Variants in NPTXR observed in about 807,000 individuals in gnomAD.
The protein encoded by NPTXR is neuronal pentraxin receptor.
In NPTXR, 12 loss-of-function variants were observed where a neutral mutation model predicts 32.2. The observed-to-expected ratio is 0.37, with a 90% CI of 0.24 to 0.60. The LOEUF (loss-of-function observed/expected upper bound fraction) is 0.60. NPTXR is among the 20% of genes least tolerant of loss of function. NPTXR has a pLI of 0.66. For missense variants in NPTXR, 612 were observed against 682.9 expected (o/e 0.90, Z 1.16); for synonymous variants, 323 against 315.8 (o/e 1.02, Z -0.24).
chr22:38,830,890 C>A (rs941549001), intron 1 of NPTXR, among the ~76,000 whole-genome samples: 1 of 152,200 alleles, frequency 6.6e-6, no homozygotes, highest in Non-Finnish European at 1.5e-5. Flanking sequence ...TCCACCCCCC[C>A]CACCTCTTGT....
Position 38,820,778 on chromosome 22 carries a change from C to T in NPTXR, c.*1831G>A, listed in dbSNP as rs1227810803. ...CAGATGCCCTGAGCTCTAGTCCTGGCTCTGCCCCATGCTCTGTGATCCTGT... is the reference window on the plus strand; with the variant it reads ...CAGATGCCCTGAGCTCTAGTCCTGGTTCTGCCCCATGCTCTGTGATCCTGT... On this transcript the variant is annotated 3_prime_UTR_variant, in exon 5 of 5. Coordinates refer to ENST00000333039, the MANE Select transcript of NPTXR (RefSeq NM_014293.4). 1 of 152,358 alleles carries T rather than the reference C, an allele frequency of 6.6e-6. No individual in the cohort carries two copies. Among genetic ancestry groups the T allele is most frequent in the Non-Finnish European group, 1.5e-5 (1 of 68,170 alleles). The allele number at this position is 152,358 out of a possible 1,614,324, so 9.4% of individuals were successfully genotyped here.
Position 38,843,859 on chromosome 22 carries a change from C to A in NPTXR, c.-1G>T. 1 of 996,920 alleles carries A rather than the reference C, an allele frequency of 1.0e-6. No homozygotes were observed. Among genetic ancestry groups the A allele is most frequent in the South Asian group, 4.3e-5 (1 of 23,206 alleles). The allele number at this position is 996,920 out of a possible 1,614,324, so 61.8% of individuals were successfully genotyped here. A position where few individuals can be genotyped will look rare whatever the true frequency, so the allele number is the denominator to read the frequency against. The stretch of plus-strand genomic sequence containing the variant: ...CCAGCAGCACGGCCAGGAACTTCAG[C>A]GTGAGGCGGGCGGCGGGGGCGCCCG... On this transcript the variant is annotated 5_prime_UTR_variant, in exon 1 of 5. Transcript: ENST00000333039. The surrounding 1 kb of genome is among the most constrained non-coding windows in gnomAD (Gnocchi z 5.3).
Position 38,843,527 on chromosome 22 carries a change from T to TC in NPTXR, c.331dup (p.Asp111GlyfsTer43). ...CTCGCCCGGCGCAGCGCCCGCCGCG[T>TC]CCCCCTGCTGGGCCCCCGACGGGCA... On this transcript the variant is annotated frameshift_variant, in exon 1 of 5. Coordinates refer to ENST00000333039, the MANE Select transcript of NPTXR (RefSeq NM_014293.4). LOFTEE classifies it high-confidence loss of function. This position sits in a 1 kb window ranked among gnomAD's most constrained non-coding sequence, Gnocchi z 5.3. 7.9e-7 allele frequency: 1 copy of TC among 1,265,028 alleles called. No homozygotes were observed. The allele number at this position is 1,265,028 out of a possible 1,614,324, so 78.4% of individuals were successfully genotyped here.
chr22:38,824,813 G>A (rs971287664), intron 3 of NPTXR, among the ~76,000 whole-genome samples: 1 of 152,166 alleles, frequency 6.6e-6, no homozygotes, highest in African/African-American at 2.4e-5. Flanking sequence ...CAGCCACCCC[G>A]GTGGTCGTAG....
chr22:38,823,399 C>T, intron 3 of NPTXR, 137 bp from the exon 4 acceptor site: 1 of 687,888 alleles, frequency 1.5e-6, no homozygotes, highest in South Asian at 1.9e-5. Flanking sequence ...TCTCCATCCT[C>T]CTGCCCAGTG....
intron 1 of NPTXR, among the ~76,000 whole-genome samples, chr22:38,835,678 C>T (rs2093122897): frequency 6.6e-6 from 1 of 152,134 alleles, no homozygotes; most frequent in Non-Finnish European, 1.5e-5. Flanking sequence ...ACACACCTTC[C>T]GGGCCCCCAA....
At chr22:38,825,484 T>C (rs2093104947) in intron 3 of NPTXR, among the ~76,000 whole-genome samples, 1 of 152,122 alleles carries the variant, frequency 6.6e-6, no homozygotes, top group South Asian at 2.1e-4. Flanking sequence ...TAGCTCACAG[T>C]TATTGATGTC....
At chr22:38,823,371 C>A in intron 3 of NPTXR, 109 bp from the exon 4 acceptor site, 1 of 954,658 alleles carries the variant, frequency 1.0e-6, no homozygotes, top group Non-Finnish European at 1.6e-6. Flanking sequence ...TTCCAGGGCC[C>A]GACCCCAGGC....
chr22:38,826,561 G>A lies in NPTXR; in HGVS notation c.1037C>T (p.Ala346Val). 1.9e-6 allele frequency: 3 copies of A among 1,614,190 alleles called. No individual in the cohort carries two copies. Among genetic ancestry groups the A allele is most frequent in the Non-Finnish European group, 2.5e-6 (3 of 1,180,020 alleles). Residue 346 changes from alanine to valine, a missense_variant, in exon 3 of 5, where the codon GCC becomes GTC. By Grantham distance (64) the Ala-to-Val change is moderately conservative. Transcript: ENST00000333039. ...CGCCTCTAGCAGTACAATCTCGTTGGCCTGCCCGGGCACTGAGTAGGAGAA... is the reference window on the plus strand; with the variant it reads ...CGCCTCTAGCAGTACAATCTCGTTGACCTGCCCGGGCACTGAGTAGGAGAA...
chr22:38,843,338 G>C lies in NPTXR; in HGVS notation c.521C>G (p.Pro174Arg), dbSNP rs766989044. The C allele has an allele frequency of 6.4e-6, 9 of 1,415,240 alleles. 1 individual carries two copies. In the South Asian group the frequency reaches 1.2e-4, roughly 18 times the overall value. The allele number at this position is 1,415,240 out of a possible 1,614,324, so 87.7% of individuals were successfully genotyped here. The change falls in exon 1 of 5, where the codon CCC becomes CGC. Residue 174 changes from proline to arginine, a missense_variant. Pro to Arg is a moderately radical substitution (Grantham distance 103). Transcript: ENST00000333039. The surrounding 1 kb of genome is among the most constrained non-coding windows in gnomAD (Gnocchi z 5.3). Reference sequence around the variant, plus strand: ...CCCGTCGGCCATGGTGTCGCGGCGGGGCCCGGCGCCCTGGAGGCCGCGCGG... The same window carrying C: ...CCCGTCGGCCATGGTGTCGCGGCGGCGCCCGGCGCCCTGGAGGCCGCGCGG...
At chr22:38,826,825 A>G in intron 2 of NPTXR, 78 bp from the exon 3 acceptor site, 1 of 1,527,460 alleles carries the variant, frequency 6.5e-7, no homozygotes, top group South Asian at 1.3e-5. Flanking sequence ...CACTTCAGAA[A>G]GATGGCTAAC....
At chr22:38,826,250 T>G (rs184197620) in intron 3 of NPTXR, among the ~76,000 whole-genome samples, 24 of 152,318 alleles carry the variant, frequency 1.6e-4, no homozygotes, top group Admixed American at 1.4e-3. Flanking sequence ...CCCCAAGAGC[T>G]TCACTTGCCT....
At chr22:38,831,332 A>G (rs1389380056) in intron 1 of NPTXR, among the ~76,000 whole-genome samples, 2 of 152,270 alleles carry the variant, frequency 1.3e-5, no homozygotes, top group African/African-American at 4.8e-5. Context: ...GCTTAAGCCC[A>G]GGAGGTTGAG....
rs745967785 is a variant in NPTXR, at chr22:38,828,465, G to T, written c.672C>A (p.Val224=). 6.2e-7 allele frequency: 1 copy of T among 1,607,372 alleles called. No homozygotes were observed. Among genetic ancestry groups the T allele is most frequent in the South Asian group, 1.1e-5 (1 of 90,524 alleles). ...AGTGTAGGCCGGTGGGCACAGCAGA[G>T]ACTGGGGCTGGGGCAGCTGAGAGGT... The change falls in exon 2 of 5, where the codon GTC becomes GTA. Residue 224 remains valine, a synonymous_variant. Coordinates refer to ENST00000333039, the MANE Select transcript of NPTXR (RefSeq NM_014293.4).
At chr22:38,841,484 G>T (rs558454833) in intron 1 of NPTXR, among the ~76,000 whole-genome samples, 1 of 152,400 alleles carries the variant, frequency 6.6e-6, no homozygotes, top group East Asian at 1.9e-4. Context: ...CCAGACGTGG[G>T]AGGAGCCACC....
chr22:38,826,461 G>T (rs766139474), intron 3 of NPTXR, 39 bp downstream of exon 3: 1 of 1,569,926 alleles, frequency 6.4e-7, no homozygotes, highest in Non-Finnish European at 8.6e-7. Context: ...TGGAAGGGTG[G>T]CCCTCCCCCA....
rs2146188076 is a variant in NPTXR at position 38,820,046 on chromosome 22, C to G, written c.*2563G>C. ...CCTTCCTAAGACCCCATCCTTCTCCCAAGTCCTCCACAAGAGCTACCTTCT... is the reference window on the plus strand; with the variant it reads ...CCTTCCTAAGACCCCATCCTTCTCCGAAGTCCTCCACAAGAGCTACCTTCT... On this transcript the variant is annotated 3_prime_UTR_variant, in exon 5 of 5. Coordinates refer to ENST00000333039, the MANE Select transcript of NPTXR (RefSeq NM_014293.4). The G allele has an allele frequency of 6.5e-6, 1 of 152,710 alleles. No homozygotes were observed. Among genetic ancestry groups the G allele is most frequent in the East Asian group, 1.9e-4 (1 of 5,182 alleles). 9.5% of individuals were successfully genotyped at this position (152,710 alleles called of 1,614,324 possible). A position where few individuals can be genotyped will look rare whatever the true frequency, so the allele number is the denominator to read the frequency against.
intron 1 of NPTXR, among the ~76,000 whole-genome samples, chr22:38,835,855 T>C (rs572038796): frequency 4.6e-5 from 7 of 152,304 alleles, no homozygotes; most frequent in Non-Finnish European, 1.5e-5. Context: ...TGCTCCCACC[T>C]TGGGTTGGTT....
At position 38,822,715 on chromosome 22, in the gene NPTXR, G is replaced by A. The variant is rs745876945; in HGVS notation, c.1397C>T (p.Ala466Val). The change falls in exon 5 of 5, where the codon GCG (alanine) becomes GTG (valine). Residue 466 changes from alanine (A) to valine (V), a missense_variant. Physicochemically the swap from Ala to Val is moderately conservative, Grantham distance 64 (BLOSUM62 0). Transcript: ENST00000333039. ...GGGAAGGACGTTGCCCAGCAGTGGCGCAGTGCAGTTGGCAATGCCCAGGAC... is the reference window on the plus strand; with the variant it reads ...GGGAAGGACGTTGCCCAGCAGTGGCACAGTGCAGTTGGCAATGCCCAGGAC... 2.8e-5 allele frequency: 45 copies of A among 1,614,020 alleles called. No individual in the cohort carries two copies. In the South Asian group the frequency reaches 3.6e-4, roughly 13 times the overall value.
Sources: allele counts gnomAD v4.1 joint callset (sites outside exome capture counted in the v4.1 genomes callset), GRCh38; gene constraint gnomAD v4.1.1; non-coding constraint Gnocchi (gnomAD v3.1); transcripts MANE v1.5; gene names NCBI Gene and HGNC (gene_info 2026-07-23, HGNC 2026-07-21).